Variants in FAM120A observed in about 807,000 individuals in gnomAD.
FAM120A encodes constitutive coactivator of PPAR-gamma-like protein 1.
Under a neutral mutation model 109.7 loss-of-function variants are expected in FAM120A, and 15 were observed. That is an observed-to-expected ratio of 0.14 (90% CI 0.09 to 0.21). The LOEUF is 0.21. Among genes scored for constraint, FAM120A ranks in the 10% least tolerant of loss-of-function variants. The pLI, the probability that FAM120A is intolerant of heterozygous loss-of-function variation, is 1.00. For missense variants in FAM120A, 899 were observed against 1,439.3 expected (o/e 0.62, Z 6.07); for synonymous variants, 493 against 572.8 (o/e 0.86, Z 1.99).
intron 15 of FAM120A, 142 bp from the exon 16 acceptor site, chr9:93,560,967 T>TA: frequency 1.1e-6 from 1 of 876,274 alleles, no homozygotes. Flanking sequence ...CACTACATAA[T>TA]AAAAAATTGT....
rs1396010794 is a variant in FAM120A, at chr9:93,500,583, A to G, written c.1030+1697A>G. Among the ~76,000 whole-genome samples the G allele has an allele frequency of 6.6e-6, 1 of 152,218 alleles. No homozygotes were observed. The highest frequency in any genetic ancestry group is 6.5e-5 in the Admixed American group (1 of 15,290). ...GGGCCTATTAGTCACCTTTACTTTT[A>G]TATCCCCAGTGGATAAATATTTGAC... On this transcript the variant is annotated intron_variant, in intron 5 of 17. Coordinates refer to ENST00000277165, the MANE Select transcript of FAM120A (RefSeq NM_014612.5). The surrounding 1 kb of genome is among the most constrained non-coding windows in gnomAD (Gnocchi z 4.6).
chr9:93,518,912 A>G (rs1860725158), intron 7 of FAM120A, among the ~76,000 whole-genome samples: 1 of 152,142 alleles, frequency 6.6e-6, no homozygotes, highest in South Asian at 2.1e-4. Context: ...TCCTTAAAAC[A>G]TTGAGATTTT....
chr9:93,554,138 C>CACACACACACACACACACACACACACA (rs1862204112), intron 12 of FAM120A, among the ~76,000 whole-genome samples: 1 of 135,768 alleles, frequency 7.4e-6, no homozygotes, highest in African/African-American at 3.3e-5. Flanking sequence ...CACACACACA[C>CACACACACACACACACACACACACACA]ACACACACAC....
rs563634027 is a variant in FAM120A, at chr9:93,555,403, A to G, written c.2275-979A>G. On this transcript the variant is annotated intron_variant, in intron 12 of 17. Coordinates refer to ENST00000277165, the MANE Select transcript of FAM120A (RefSeq NM_014612.5). ...ACAACAAAAACAGCAGATGATTGTA[A>G]GTTTATTAGCATTTGGCACCAGAAT... Among the ~76,000 whole-genome samples the G allele has an allele frequency of 1.5e-4, 23 of 152,372 alleles. 1 individual carries two copies. Among genetic ancestry groups the G allele is most frequent in the Admixed American group, 1.2e-3 (18 of 15,310 alleles).
At chr9:93,526,102 C>G (rs1861069700) in intron 7 of FAM120A, among the ~76,000 whole-genome samples, 1 of 152,210 alleles carries the variant, frequency 6.6e-6, no homozygotes, top group Middle Eastern at 3.2e-3. Flanking sequence ...ATGGCCAGCA[C>G]TGGTTTTCAG....
intron 1 of FAM120A, among the ~76,000 whole-genome samples, chr9:93,466,267 C>A (rs1588787087): frequency 6.6e-6 from 1 of 152,050 alleles, no homozygotes; most frequent in Non-Finnish European, 1.5e-5. Context: ...TGTGTCTCTT[C>A]CCCCTTCATT....
intron 17 of FAM120A, among the ~76,000 whole-genome samples, chr9:93,563,326 C>G (rs1456835621): frequency 6.6e-6 from 1 of 152,240 alleles, no homozygotes; most frequent in African/African-American, 2.4e-5. Context: ...AGGTGAAAAA[C>G]ATCCATGTTT....
rs1381636270 is a variant in FAM120A, at chr9:93,458,890, C to T, written c.474+6501C>T. Among the ~76,000 whole-genome samples the T allele has an allele frequency of 2.6e-5, 4 of 152,310 alleles. No homozygotes were observed. In the South Asian group the frequency reaches 6.2e-4, roughly 24 times the overall value. On this transcript the variant is annotated intron_variant, in intron 1 of 17. Coordinates refer to ENST00000277165, the MANE Select transcript of FAM120A (RefSeq NM_014612.5). ...ATTAAGTCCAAATTCCTTATTCAGA[C>T]TTGTAGACCTTCCTGCGACCTGAAC...
At chr9:93,554,286 C>G (rs554346839) in intron 12 of FAM120A, among the ~76,000 whole-genome samples, 11 of 152,204 alleles carry the variant, frequency 7.2e-5, no homozygotes, top group African/African-American at 2.6e-4. Flanking sequence ...TTTGGCAATG[C>G]AGATAGCCGT....
intron 11 of FAM120A, among the ~76,000 whole-genome samples, chr9:93,549,129 C>T (rs970749974): frequency 3.3e-5 from 5 of 152,030 alleles, no homozygotes; most frequent in African/African-American, 1.2e-4. Flanking sequence ...TAATCAATTG[C>T]AAAGGATGTG....
intron 3 of FAM120A, among the ~76,000 whole-genome samples, chr9:93,481,954 T>G (rs1192576799): frequency 6.6e-6 from 1 of 152,122 alleles, no homozygotes; most frequent in Non-Finnish European, 1.5e-5. Context: ...CTCTTGGAGC[T>G]TCCCCTAAAG....
chr9:93,550,491 A>T, intron 11 of FAM120A, 86 bp from the exon 12 acceptor site: 1 of 940,522 alleles, frequency 1.1e-6, no homozygotes, highest in Non-Finnish European at 1.7e-6. Flanking sequence ...ATCATCCGGG[A>T]TTTACCTAGA....
intron 8 of FAM120A, 76 bp downstream of exon 8, chr9:93,527,318 T>C (rs1861127553): frequency 9.9e-7 from 1 of 1,013,322 alleles, no homozygotes; most frequent in African/African-American, 1.6e-5. Context: ...GATCAAATAG[T>C]GAAAAATAAT....
At chr9:93,529,230 T>G in intron 8 of FAM120A, 123 bp from the exon 9 acceptor site, 1 of 852,076 alleles carries the variant, frequency 1.2e-6, no homozygotes, top group Admixed American at 3.0e-5. Flanking sequence ...ATCTGGTCTC[T>G]CTAAGACAGG....
chr9:93,529,731 T>C lies in FAM120A; in HGVS notation c.1734+151T>C, dbSNP rs755656954. 4 of 718,416 alleles carry C rather than the reference T, an allele frequency of 5.6e-6. No individual in the cohort carries two copies. The East Asian group carries it at 8.1e-5, about 15-fold the overall frequency. 44.5% of individuals were successfully genotyped at this position (718,416 alleles called of 1,614,324 possible). A position where few individuals can be genotyped will look rare whatever the true frequency, so the allele number is the denominator to read the frequency against. ...CACTTTCCCCTTTCTAAACATTGAA[T>C]GAAAGATGAACATTTATAACTGTAA... On this transcript the variant is annotated intron_variant, in intron 9 of 17. Coordinates refer to ENST00000277165, the MANE Select transcript of FAM120A (RefSeq NM_014612.5).
intron 14 of FAM120A, among the ~76,000 whole-genome samples, chr9:93,558,320 G>A (rs1222487308): frequency 1.3e-5 from 2 of 152,228 alleles, no homozygotes; most frequent in Non-Finnish European, 2.9e-5. Flanking sequence ...GTCAGAGAGA[G>A]CCATCTTCCA....
chr9:93,519,262 A>G (rs1463325401), intron 7 of FAM120A, among the ~76,000 whole-genome samples: 1 of 152,096 alleles, frequency 6.6e-6, no homozygotes, highest in Non-Finnish European at 1.5e-5. Flanking sequence ...TTTTTTTGAG[A>G]TGGAATTTTA....
chr9:93,541,225 G>A (rs535228168), intron 10 of FAM120A, among the ~76,000 whole-genome samples: 11 of 152,118 alleles, frequency 7.2e-5, no homozygotes, highest in Admixed American at 2.0e-4. Context: ...GCATATTGGC[G>A]AACAGCTCAT....
At chr9:93,547,811 CTCTTA>C (rs1360516082) in intron 11 of FAM120A, among the ~76,000 whole-genome samples, 8 of 152,288 alleles carry the variant, frequency 5.3e-5, no homozygotes, top group Non-Finnish European at 8.8e-5. Flanking sequence ...TTCTCAGCCG[CTCTTA>C]TCTTGACTCT....
Sources: gnomAD v4.1 joint callset for allele counts (sites outside exome capture counted in the v4.1 genomes callset) on GRCh38, gnomAD v4.1.1 for gene constraint, Gnocchi (gnomAD v3.1) non-coding constraint, MANE v1.5 for transcripts, NCBI Gene and HGNC (gene_info 2026-07-23, HGNC 2026-07-21) for gene names.